Variants in NDUFAF6 observed in about 807,000 individuals in gnomAD.
NDUFAF6 encodes NADH:ubiquinone oxidoreductase complex assembly factor 6, also known as NADH dehydrogenase (ubiquinone) complex I, assembly factor 6.
In NDUFAF6, 45 loss-of-function variants were observed where a neutral mutation model predicts 40.8. The observed-to-expected ratio is 1.10, with a 90% CI of 0.87 to 1.42. The LOEUF (loss-of-function observed/expected upper bound fraction) is 1.42. Ranked by LOEUF, NDUFAF6 falls within the 40% of genes most tolerant of loss-of-function variation. The pLI is 0.00. For missense variants in NDUFAF6, 435 were observed against 418.5 expected (o/e 1.04, Z -0.34); for synonymous variants, 185 against 155.9 (o/e 1.19, Z -1.39).
chr8:95,055,152 T>C (rs191081259), intron 8 of NDUFAF6: 5 of 152,314 alleles, frequency 3.3e-5, no homozygotes, highest in East Asian at 3.9e-4. Flanking sequence ...CTAAAAGCAA[T>C]ACATTTTCGT....
chr8:94,927,657 AAAAT>A (rs1191644253), intron 1 of NDUFAF6: 1 of 152,202 alleles, frequency 6.6e-6, no homozygotes, highest in Admixed American at 6.5e-5. Context: ...GTTGAGAAAA[AAAAT>A]AAACATAAGA....
chr8:95,093,993 C>T (rs921595232), intron 2 of NDUFAF6, among the ~76,000 whole-genome samples: 3 of 151,972 alleles, frequency 2.0e-5, no homozygotes, highest in Non-Finnish European at 4.4e-5. Flanking sequence ...TTTTTTGAGA[C>T]AGCGTCTCAC....
At chr8:94,996,189 C>T (rs2131629823) in intron 2 of NDUFAF6, among the ~76,000 whole-genome samples, 1 of 152,290 alleles carries the variant, frequency 6.6e-6, no homozygotes, top group Non-Finnish European at 1.5e-5. Context: ...ATAGCAATCC[C>T]AAGCCTCCAG....
At chr8:95,034,971 T>A (rs1422813987) in intron 2 of NDUFAF6, among the ~76,000 whole-genome samples, 1 of 151,724 alleles carries the variant, frequency 6.6e-6, no homozygotes, top group African/African-American at 2.4e-5. Flanking sequence ...CCTCTGCCTC[T>A]CAGGTTTAAG....
chr8:94,953,383 A>G (rs1331473643), upstream of NDUFAF6, among the ~76,000 whole-genome samples: 3 of 151,980 alleles, frequency 2.0e-5, no homozygotes, highest in African/African-American at 4.8e-5. Context: ...CTTTGAGCAG[A>G]AAGCAAGGTC....
intron 1 of NDUFAF6, among the ~76,000 whole-genome samples, chr8:94,935,699 A>G (rs1347082033): frequency 1.3e-5 from 2 of 152,216 alleles, no homozygotes; most frequent in African/African-American, 2.4e-5. Flanking sequence ...TGTGGTATCA[A>G]GATCTATTGG....
chr8:95,089,566 G>A (rs297550), intron 2 of NDUFAF6, among the ~76,000 whole-genome samples: 19,415 of 152,116 alleles, frequency 0.13, 1,587 homozygotes, highest in Non-Finnish European at 0.18. Flanking sequence ...TTACAGAGTG[G>A]ATGGAAGCAG....
At chr8:95,031,486 T>G (rs1216482767) in intron 1 of NDUFAF6, among the ~76,000 whole-genome samples, 1 of 152,246 alleles carries the variant, frequency 6.6e-6, no homozygotes, top group Non-Finnish European at 1.5e-5. Flanking sequence ...AAGTACTACA[T>G]AAGTCATAGT....
At chr8:94,899,200 A>G (rs1196734321) in intron 1 of NDUFAF6, among the ~76,000 whole-genome samples, 1 of 152,196 alleles carries the variant, frequency 6.6e-6, no homozygotes, top group Non-Finnish European at 1.5e-5. Flanking sequence ...CACCTGGCCA[A>G]TTTTTTAAAT....
intron 2 of NDUFAF6, among the ~76,000 whole-genome samples, chr8:95,010,508 TAGAA>T (rs1331582618): frequency 6.6e-6 from 1 of 152,206 alleles, no homozygotes; most frequent in Admixed American, 6.5e-5. Flanking sequence ...TCACAAAAGT[TAGAA>T]AGTACTGTAG....
chr8:94,975,060 T>C (rs747906067), intron 1 of NDUFAF6, among the ~76,000 whole-genome samples: 1 of 152,204 alleles, frequency 6.6e-6, no homozygotes, highest in Admixed American at 6.5e-5. Context: ...ACATAACCAC[T>C]TGGAGGAGCC....
chr8:95,105,406 C>T (rs1296601139), downstream of NDUFAF6, among the ~76,000 whole-genome samples: 4 of 151,940 alleles, frequency 2.6e-5, no homozygotes, highest in Non-Finnish European at 5.9e-5. Flanking sequence ...GTTGCCCAGG[C>T]TGGAGTGCAG....
chr8:95,020,739 A>G (rs527714720), upstream of NDUFAF6, among the ~76,000 whole-genome samples: 1 of 152,372 alleles, frequency 6.6e-6, no homozygotes, highest in South Asian at 2.1e-4. Context: ...AAGAGGAGTA[A>G]GAAAACATCT....
intron 1 of NDUFAF6, among the ~76,000 whole-genome samples, chr8:94,971,432 A>C (rs1429113867): frequency 6.6e-6 from 1 of 152,110 alleles, no homozygotes; most frequent in Non-Finnish European, 1.5e-5. Flanking sequence ...GCTCAGAACC[A>C]CCAGAGTGAC....
At chr8:94,926,439 G>C (rs1459265674) in intron 1 of NDUFAF6, 1 of 131,654 alleles carries the variant, frequency 7.6e-6, no homozygotes, top group Non-Finnish European at 1.6e-5. Flanking sequence ...AAAAACACAC[G>C]CAATTATTAA....
chr8:94,942,089 T>C (rs1033756011), intron 1 of NDUFAF6, among the ~76,000 whole-genome samples: 17 of 151,764 alleles, frequency 1.1e-4, no homozygotes, highest in Non-Finnish European at 2.4e-4. Context: ...CTGGAGTGCA[T>C]GCAGTGAGGC....
chr8:95,033,518 A>G (rs191684699), intron 2 of NDUFAF6, among the ~76,000 whole-genome samples: 24 of 152,342 alleles, frequency 1.6e-4, no homozygotes, highest in African/African-American at 5.3e-4. Context: ...ATTCAATGCT[A>G]TACCCACGTG....
intron 2 of NDUFAF6, 152 bp downstream of exon 2, chr8:95,032,246 T>C: frequency 1.4e-6 from 1 of 698,874 alleles, no homozygotes; most frequent in South Asian, 1.6e-5. Context: ...TGTTTAGGCT[T>C]AGTAATTCAA....
At chr8:95,044,451 C>CTTTTTTTTTT (rs71273446) in intron 4 of NDUFAF6, 1 of 123,710 alleles carries the variant, frequency 8.1e-6, no homozygotes, top group African/African-American at 3.2e-5. Flanking sequence ...ATGTCATTTT[C>CTTTTTTTTTT]TTTTTTTTTT....
Sources: gnomAD v4.1 joint callset for allele counts (sites outside exome capture counted in the v4.1 genomes callset) on GRCh38, gnomAD v4.1.1 for gene constraint, MANE v1.5 for transcripts, NCBI Gene and HGNC (gene_info 2026-07-23, HGNC 2026-07-21) for gene names.